Variants in IL16 observed in about 807,000 individuals in gnomAD.
IL16 encodes the protein interleukin 16.
IL16 carries 67 observed loss-of-function variants against 110.1 expected under a neutral mutation model. That is an observed-to-expected ratio of 0.61 (90% CI 0.50 to 0.75). The LOEUF (loss-of-function observed/expected upper bound fraction) is 0.75, where lower values mean the gene tolerates loss of function less well. IL16 is among the 30% of genes least tolerant of loss of function. IL16 has a pLI of 0.00. For missense variants in IL16, 1,545 were observed against 1,655.0 expected (o/e 0.93, Z 1.15); for synonymous variants, 689 against 662.9 (o/e 1.04, Z -0.61).
rs1896172570 is a variant in IL16 at position 81,209,849 on chromosome 15, TGG to T, written c.-102+12698_-102+12699del. 1.1e-4 allele frequency among the ~76,000 whole-genome samples: 17 copies of T among 152,346 alleles called. No individual in the cohort carries two copies. The South Asian group carries it at 3.5e-3, about 32-fold the overall frequency. On this transcript the variant is annotated intron_variant, in intron 1 of 18. Coordinates refer to ENST00000683961, the MANE Select transcript of IL16 (RefSeq NM_172217.5). ...AACTCTGCAGGCTCCAGCAATGCCA[TGG>T]TTACACTGATTTCAAAACAACATCT...
At chr15:81,221,128 T>C (rs763695035) in intron 1 of IL16, among the ~76,000 whole-genome samples, 15 of 151,928 alleles carry the variant, frequency 9.9e-5, no homozygotes, top group Non-Finnish European at 2.1e-4. Flanking sequence ...AAAGAACAAA[T>C]ACACTAGCTC....
At chr15:81,211,050 T>G (rs915187022) in intron 1 of IL16, among the ~76,000 whole-genome samples, 9 of 151,778 alleles carry the variant, frequency 5.9e-5, no homozygotes, top group Non-Finnish European at 1.3e-4. Flanking sequence ...TTTTTTGGGT[T>G]TTTTGTTTGT....
chr15:81,299,368 T>C lies in IL16; in HGVS notation c.2054-12T>C. On this transcript the variant is annotated splice_polypyrimidine_tract_variant and intron_variant, in intron 13 of 18. Coordinates refer to ENST00000683961, the MANE Select transcript of IL16 (RefSeq NM_172217.5). ...TGTAATGCACAGCTTTGGCCTTGTT[T>C]CTGCACTGTAGTGACCCAAACATCC... The C allele has an allele frequency of 6.2e-7, 1 of 1,610,596 alleles. No individual in the cohort carries two copies. Among genetic ancestry groups the C allele is most frequent in the Non-Finnish European group, 8.5e-7 (1 of 1,179,996 alleles).
intron 2 of IL16, among the ~76,000 whole-genome samples, chr15:81,254,071 G>T (rs546234390): frequency 1.3e-5 from 2 of 152,278 alleles, no homozygotes; most frequent in Admixed American, 1.3e-4. Flanking sequence ...CAGGAAATAA[G>T]CCTCAATCAG....
chr15:81,203,791 A>C (rs960898237), intron 1 of IL16, among the ~76,000 whole-genome samples: 21 of 152,252 alleles, frequency 1.4e-4, no homozygotes, highest in African/African-American at 3.6e-4. Context: ...CTTAGGATTG[A>C]CTTGGCAATG....
At chr15:81,245,599 G>T (rs72746132) in intron 2 of IL16, among the ~76,000 whole-genome samples, 1 of 143,762 alleles carries the variant, frequency 7.0e-6, no homozygotes, top group African/African-American at 3.0e-5. Context: ...AGCCACTGCT[G>T]GCATGGGTGG....
At chr15:81,300,761 T>C (rs1900243486) in intron 14 of IL16, among the ~76,000 whole-genome samples, 1 of 152,178 alleles carries the variant, frequency 6.6e-6, no homozygotes, top group South Asian at 2.1e-4. Flanking sequence ...GAATTGCTCA[T>C]GAGGGCTGAC....
At chr15:81,299,232 C>A in intron 13 of IL16, 148 bp from the exon 14 acceptor site, 1 of 1,309,790 alleles carries the variant, frequency 7.6e-7, no homozygotes, top group Non-Finnish European at 1.1e-6. Flanking sequence ...GGTAATAGCA[C>A]CTGGAGTTCA....
chr15:81,294,137 T>G (rs546540774), intron 12 of IL16, among the ~76,000 whole-genome samples: 113 of 152,008 alleles, frequency 7.4e-4, no homozygotes, highest in Middle Eastern at 3.4e-3. Flanking sequence ...TCAGGAGGGG[T>G]AGCGGTGGAG....
At position 81,295,461 on chromosome 15, in the gene IL16, G is replaced by A. The variant is rs1395029824; in HGVS notation, c.1903-1467G>A. 9 of 1,289,498 alleles carry A rather than the reference G, an allele frequency of 7.0e-6. 1 individual carries two copies. Among genetic ancestry groups the A allele is most frequent in the Middle Eastern group, 2.1e-4 (1 of 4,718 alleles). 79.9% of individuals were successfully genotyped at this position (1,289,498 alleles called of 1,614,324 possible). ...CAGTTGGTATCACATGTGGCTGCCT[G>A]TAAAAGAGCTAACAATTCATGAATG... On this transcript the variant is annotated intron_variant, in intron 12 of 18. Transcript: ENST00000683961.
At chr15:81,293,299 G>C (rs1014285027) in intron 12 of IL16, among the ~76,000 whole-genome samples, 5 of 152,188 alleles carry the variant, frequency 3.3e-5, no homozygotes, top group Non-Finnish European at 2.9e-5. Context: ...TTCCTTTCTT[G>C]TGTCATTTTT....
At chr15:81,250,317 G>C (rs2142142805) in intron 2 of IL16, among the ~76,000 whole-genome samples, 1 of 152,184 alleles carries the variant, frequency 6.6e-6, no homozygotes, top group Non-Finnish European at 1.5e-5. Flanking sequence ...TTACAGGCAT[G>C]AGCCACCACT....
chr15:81,212,176 T>C (rs1413765928), intron 1 of IL16, among the ~76,000 whole-genome samples: 1 of 152,094 alleles, frequency 6.6e-6, no homozygotes, highest in Non-Finnish European at 1.5e-5. Context: ...TCAATTTCAG[T>C]GCTTGATATT....
At position 81,255,123 on chromosome 15, in the gene IL16, G is replaced by A. The variant is rs181909862; in HGVS notation, c.313-4649G>A. On this transcript the variant is annotated intron_variant, in intron 2 of 18. Transcript: ENST00000683961. ...AACAATAACTTGAAATAGTCCCAGA[G>A]TATAGATGAGTACTAGACCCTTGTT... Among the ~76,000 whole-genome samples the A allele has an allele frequency of 2.6e-5, 4 of 152,298 alleles. No homozygotes were observed. In the East Asian group the frequency reaches 7.7e-4, roughly 29 times the overall value.
Position 81,290,501 on chromosome 15 carries a change from A to G in IL16, c.1381A>G (p.Thr461Ala). 1 of 1,613,756 alleles carries G rather than the reference A, an allele frequency of 6.2e-7. No individual in the cohort carries two copies. Among genetic ancestry groups the G allele is most frequent in the South Asian group, 1.1e-5 (1 of 90,986 alleles). ...AGCTGTGGCCCAGGCTGTGGAAAAC[A>G]CCAAGTTTGGAAAGGAGAGGCATCA... Reference protein sequence around the residue: ...KEAVAQAVENTKFGKERHQWS... With the variant: ...KEAVAQAVENAKFGKERHQWS... The change falls in exon 11 of 19, where the codon ACC becomes GCC. Residue 461 changes from threonine to alanine, a missense_variant. Thr to Ala is a moderately conservative substitution (Grantham distance 58, BLOSUM62 0). Transcript: ENST00000683961.
chr15:81,296,915 G>T lies in IL16; in HGVS notation c.1903-13G>T. On this transcript the variant is annotated splice_polypyrimidine_tract_variant and intron_variant, in intron 12 of 18. Transcript: ENST00000683961. Reference sequence around the variant, plus strand: ...CCGTTTTGACATGGTCTCGCTTCCTGTTTACACCACAGGAAGCGAGAGAGC... The same window carrying T: ...CCGTTTTGACATGGTCTCGCTTCCTTTTTACACCACAGGAAGCGAGAGAGC... 1 of 1,599,734 alleles carries T rather than the reference G, an allele frequency of 6.3e-7. No homozygotes were observed. Among genetic ancestry groups the T allele is most frequent in the Non-Finnish European group, 8.5e-7 (1 of 1,172,806 alleles).
chr15:81,313,540 C>T lies in IL16; in HGVS notation c.*4742C>T. 1 of 807,998 alleles carries T rather than the reference C, an allele frequency of 1.2e-6. No homozygotes were observed. Among genetic ancestry groups the T allele is most frequent in the Non-Finnish European group, 1.8e-6 (1 of 563,114 alleles). The allele number at this position is 807,998 out of a possible 1,614,324, so 50.1% of individuals were successfully genotyped here. A position where few individuals can be genotyped will look rare whatever the true frequency, so the allele number is the denominator to read the frequency against. On this transcript the variant is annotated 3_prime_UTR_variant, in exon 19 of 19. Coordinates refer to ENST00000683961, the MANE Select transcript of IL16 (RefSeq NM_172217.5). ...CGCGTCTCATCCCTTGCTGTGCCCT[C>T]CACCCAGGAGTCCTCTCTGGACCTG...
intron 3 of IL16, among the ~76,000 whole-genome samples, chr15:81,262,654 G>C (rs1037231062): frequency 6.6e-6 from 1 of 152,148 alleles, no homozygotes; most frequent in Non-Finnish European, 1.5e-5. Flanking sequence ...GCTTAAGGCC[G>C]GGCGCAGTGG....
intron 1 of IL16, among the ~76,000 whole-genome samples, chr15:81,199,037 A>T (rs1219721021): frequency 5.0e-5 from 3 of 59,504 alleles, no homozygotes; most frequent in East Asian, 2.0e-3. Context: ...AAAAATATAT[A>T]TATATATATA....
Sources: allele counts gnomAD v4.1 joint callset (sites outside exome capture counted in the v4.1 genomes callset), GRCh38; gene constraint gnomAD v4.1.1; transcripts MANE v1.5; gene names NCBI Gene and HGNC (gene_info 2026-07-23, HGNC 2026-07-21).